The following CCSER1 variants were observed in gnomAD, a reference collection of about 807,000 sequenced individuals.
CCSER1 encodes the protein serine-rich coiled-coil domain-containing protein 1.
Under a neutral mutation model 82.0 loss-of-function variants are expected in CCSER1, and 41 were observed. The ratio of observed to expected loss-of-function variants is 0.50; its 90% CI spans 0.39 to 0.65. The LOEUF (loss-of-function observed/expected upper bound fraction) is 0.65. CCSER1 is among the 30% of genes least tolerant of loss of function. CCSER1 has a pLI of 0.00. For synonymous variants in CCSER1, 414 were observed against 383.9 expected, an observed-to-expected ratio of 1.08 and a Z score of -0.92; for missense variants, 1,119 against 1,064.2, an observed-to-expected ratio of 1.05 and a Z score of -0.72.
chr4:91,381,233 G>T (rs1217525925), intron 10 of CCSER1, among the ~76,000 whole-genome samples: 3 of 152,064 alleles, frequency 2.0e-5, no homozygotes, highest in African/African-American at 7.2e-5. Flanking sequence ...TCTTGGGGTT[G>T]CTCTTCTCGA....
chr4:90,129,921 A>G (rs1250005351), intron 1 of CCSER1, among the ~76,000 whole-genome samples: 2 of 152,226 alleles, frequency 1.3e-5, no homozygotes, highest in Admixed American at 1.3e-4. Flanking sequence ...TAGATATAAT[A>G]GGGAATTAAA....
intron 10 of CCSER1, among the ~76,000 whole-genome samples, chr4:91,282,334 A>C (rs896388072): frequency 6.6e-6 from 1 of 152,178 alleles, no homozygotes; most frequent in African/African-American, 2.4e-5. Flanking sequence ...GACTCAAAGT[A>C]GTAAACATTA....
At chr4:91,348,289 T>A (rs1283483400) in intron 10 of CCSER1, among the ~76,000 whole-genome samples, 1 of 152,172 alleles carries the variant, frequency 6.6e-6, no homozygotes, top group Non-Finnish European at 1.5e-5. Flanking sequence ...AGTAATTGAT[T>A]TTTGAATATT....
intron 10 of CCSER1, among the ~76,000 whole-genome samples, chr4:91,210,077 A>T (rs1736683240): frequency 6.6e-6 from 1 of 151,772 alleles, no homozygotes; most frequent in Admixed American, 6.6e-5. Flanking sequence ...TATGTCACCA[A>T]GTGAAGATGT....
At chr4:90,924,798 C>G (rs544464150) in intron 9 of CCSER1, among the ~76,000 whole-genome samples, 1 of 152,212 alleles carries the variant, frequency 6.6e-6, no homozygotes, top group South Asian at 2.1e-4. Context: ...GCGATCTCGG[C>G]TCACTGCAAC....
At chr4:91,334,421 T>C (rs1427535824) in intron 10 of CCSER1, among the ~76,000 whole-genome samples, 3 of 152,050 alleles carry the variant, frequency 2.0e-5, no homozygotes, top group African/African-American at 7.2e-5. Context: ...ATTCAGTAAA[T>C]ATCTACTCTG....
At chr4:90,751,849 T>A (rs1031157029) in intron 7 of CCSER1, among the ~76,000 whole-genome samples, 2 of 152,112 alleles carry the variant, frequency 1.3e-5, no homozygotes, top group Admixed American at 6.6e-5. Context: ...CCTAGCAGAC[T>A]TTTTAAAAAT....
At chr4:90,143,433 A>T (rs1388610878) in intron 1 of CCSER1, among the ~76,000 whole-genome samples, 1 of 151,362 alleles carries the variant, frequency 6.6e-6, no homozygotes, top group African/African-American at 2.4e-5. Context: ...TCCTGAGAAC[A>T]CAGTTCATGT....
At chr4:91,573,024 G>A (rs1364146903) in intron 10 of CCSER1, among the ~76,000 whole-genome samples, 1 of 152,084 alleles carries the variant, frequency 6.6e-6, no homozygotes, top group Non-Finnish European at 1.5e-5. Flanking sequence ...AAACATGGAG[G>A]TGAGAGGCTG....
chr4:91,052,245 C>A (rs1430715446), intron 9 of CCSER1, among the ~76,000 whole-genome samples: 1 of 151,858 alleles, frequency 6.6e-6, no homozygotes, highest in South Asian at 2.1e-4. Flanking sequence ...ACACTTTTTC[C>A]ATTCTCTACT....
At chr4:91,080,733 A>G (rs1722615134) in intron 9 of CCSER1, among the ~76,000 whole-genome samples, 2 of 152,182 alleles carry the variant, frequency 1.3e-5, no homozygotes, top group Non-Finnish European at 2.9e-5. Context: ...GATAAAGGGG[A>G]TATCACCACC....
At chr4:90,888,542 C>CA (rs11448502) in intron 8 of CCSER1, among the ~76,000 whole-genome samples, 16,647 of 151,334 alleles carry the variant, frequency 0.11, 1,266 homozygotes, top group East Asian at 0.23. Flanking sequence ...TTGCTTGCCA[C>CA]AAAAAAAATC....
At chr4:91,485,368 G>C (rs898075072) in intron 10 of CCSER1, among the ~76,000 whole-genome samples, 3 of 152,140 alleles carry the variant, frequency 2.0e-5, no homozygotes, top group African/African-American at 7.2e-5. Flanking sequence ...ATAAATGTTT[G>C]AAATTCAGAT....
At chr4:91,356,048 T>G (rs536094118) in intron 10 of CCSER1, among the ~76,000 whole-genome samples, 1 of 152,380 alleles carries the variant, frequency 6.6e-6, no homozygotes, top group African/African-American at 2.4e-5. Flanking sequence ...GGGGACACTT[T>G]ATGTTTAGGT....
chr4:90,617,288 G>A lies in CCSER1; in HGVS notation c.1725-10737G>A, dbSNP rs1308035575. Among the ~76,000 whole-genome samples, 3 of 152,038 alleles carry A rather than the reference G, an allele frequency of 2.0e-5. No homozygotes were observed. In the East Asian group the frequency reaches 5.8e-4, roughly 29 times the overall value. Reference sequence around the variant, plus strand: ...GGCAGTTATCTCTGAAGAGGAAAGAGCAAAATGGAGCTTTTATTCTCTCAC... The same window carrying A: ...GGCAGTTATCTCTGAAGAGGAAAGAACAAAATGGAGCTTTTATTCTCTCAC... On this transcript the variant is annotated intron_variant, in intron 5 of 10. Transcript: ENST00000509176.
At chr4:91,052,992 G>A (rs1581431889) in intron 9 of CCSER1, among the ~76,000 whole-genome samples, 1 of 152,004 alleles carries the variant, frequency 6.6e-6, no homozygotes, top group African/African-American at 2.4e-5. Flanking sequence ...CTCTGGTAAG[G>A]TTGTTTAGCA....
chr4:91,446,846 G>C (rs1396304326), intron 10 of CCSER1, among the ~76,000 whole-genome samples: 1 of 151,760 alleles, frequency 6.6e-6, no homozygotes, highest in African/African-American at 2.4e-5. Flanking sequence ...GATGTCTACA[G>C]CAGGTATTTA....
chr4:90,912,139 T>C (rs7676047), intron 8 of CCSER1, among the ~76,000 whole-genome samples: 43,325 of 152,042 alleles, frequency 0.28, 6,568 homozygotes, highest in Non-Finnish European at 0.32. Flanking sequence ...TAGTGTTTCT[T>C]CCAGCACGGA....
intron 1 of CCSER1, among the ~76,000 whole-genome samples, chr4:90,232,476 G>A (rs1744800561): frequency 6.6e-6 from 1 of 152,060 alleles, no homozygotes; most frequent in Admixed American, 6.6e-5. Flanking sequence ...ATCAATTCAA[G>A]ATGGATTAAA....
Sources: gnomAD v4.1 joint callset for allele counts (sites outside exome capture counted in the v4.1 genomes callset) on GRCh38, gnomAD v4.1.1 for gene constraint, MANE v1.5 for transcripts, NCBI Gene and HGNC (gene_info 2026-07-23, HGNC 2026-07-21) for gene names.